Variants in ZCCHC7 observed in about 807,000 individuals in gnomAD.
ZCCHC7 encodes zinc finger CCHC domain-containing protein 7.
In ZCCHC7, 35 loss-of-function variants were observed where a neutral mutation model predicts 52.0. The observed-to-expected ratio is 0.67, with a 90% confidence interval of 0.51 to 0.89. The LOEUF (loss-of-function observed/expected upper bound fraction) is 0.89, where lower values mean the gene tolerates loss of function less well. Among genes scored for constraint, ZCCHC7 ranks in the 40% least tolerant of loss-of-function variants. The pLI is 0.00. For synonymous variants in ZCCHC7, 217 were observed against 221.5 expected (o/e 0.98, Z 0.18); for missense variants, 574 against 649.1 (o/e 0.88, Z 1.26).
chr9:37,171,108 A>G (rs1382050137), intron 2 of ZCCHC7, among the ~76,000 whole-genome samples: 1 of 152,244 alleles, frequency 6.6e-6, no homozygotes, highest in Non-Finnish European at 1.5e-5. Context: ...GTTTTGTATG[A>G]TTTTTAGATT....
At chr9:37,260,130 A>G (rs763347369) in intron 2 of ZCCHC7, among the ~76,000 whole-genome samples, 1 of 152,196 alleles carries the variant, frequency 6.6e-6, no homozygotes, top group Non-Finnish European at 1.5e-5. Flanking sequence ...CTGAGCACCA[A>G]CACTTCCTGT....
chr9:37,328,230 A>G (rs1412600550), intron 6 of ZCCHC7, among the ~76,000 whole-genome samples: 1 of 152,064 alleles, frequency 6.6e-6, no homozygotes, highest in African/African-American at 2.4e-5. Context: ...TTACTAAAAC[A>G]GTTACTGATA....
At chr9:37,207,942 T>G (rs1206906900) in intron 2 of ZCCHC7, among the ~76,000 whole-genome samples, 1 of 152,256 alleles carries the variant, frequency 6.6e-6, no homozygotes, top group African/African-American at 2.4e-5. Context: ...GACCGAGGTT[T>G]AGTGAATAGT....
At chr9:37,172,396 A>G (rs1325546875) in intron 2 of ZCCHC7, among the ~76,000 whole-genome samples, 2 of 152,200 alleles carry the variant, frequency 1.3e-5, no homozygotes, top group African/African-American at 4.8e-5. Context: ...CTGACTTTTA[A>G]ACATTCACTT....
In ZCCHC7 at chr9:37,302,250, T is replaced by C; in HGVS notation, c.654+19T>C. 6.3e-7 allele frequency: 1 copy of C among 1,582,510 alleles called. No homozygotes were observed. The highest frequency in any genetic ancestry group is 8.7e-7 in the Non-Finnish European group (1 of 1,154,082). On this transcript the variant is annotated intron_variant, in intron 3 of 8. Transcript: ENST00000336755. ...CATTGAGGTAAAATCAAATTGTTTTTAAAATTCAGAATAATAATTTCCTTT... is the reference window on the plus strand; with the variant it reads ...CATTGAGGTAAAATCAAATTGTTTTCAAAATTCAGAATAATAATTTCCTTT...
chr9:37,126,625 A>G lies in ZCCHC7; in HGVS notation c.293A>G (p.Asp98Gly). ...GAGGTCATCACTTTGTCTGATGAAG[A>G]CAGTATTTATAGATGTAAAGGAAAG... is the stretch of plus-strand genomic sequence containing the variant. The part of the protein sequence containing the change: ...GSEVITLSDE[D>G]SIYRCKGKNV... The change falls in exon 2 of 9, where the codon GAC becomes GGC. Residue 98 changes from aspartate (D) to glycine (G), a missense_variant. Asp to Gly is a moderately conservative substitution (Grantham distance 94). Coordinates refer to ENST00000336755, the MANE Select transcript of ZCCHC7 (RefSeq NM_032226.3). 1.2e-6 allele frequency: 2 copies of G among 1,614,198 alleles called. No homozygotes were observed. Among genetic ancestry groups the G allele is most frequent in the South Asian group, 1.1e-5 (1 of 91,090 alleles).
chr9:37,122,671 G>A (rs1303410476), intron 1 of ZCCHC7, among the ~76,000 whole-genome samples: 1 of 152,236 alleles, frequency 6.6e-6, no homozygotes, highest in Non-Finnish European at 1.5e-5. Context: ...CATGTGCGGT[G>A]GCTCACGCCT....
chr9:37,240,607 A>C (rs62535722), intron 2 of ZCCHC7, among the ~76,000 whole-genome samples: 7,243 of 152,002 alleles, frequency 0.048, 265 homozygotes, highest in Non-Finnish European at 0.071. Flanking sequence ...TTAAGATTAA[A>C]CCAAAAGATA....
chr9:37,295,109 A>G (rs1214887698), intron 2 of ZCCHC7, among the ~76,000 whole-genome samples: 2 of 152,368 alleles, frequency 1.3e-5, no homozygotes, highest in African/African-American at 4.8e-5. Flanking sequence ...AGTGATCATC[A>G]CTGCTTTTGA....
intron 5 of ZCCHC7, among the ~76,000 whole-genome samples, chr9:37,319,342 G>A (rs1156410456): frequency 6.6e-6 from 1 of 152,000 alleles, no homozygotes; most frequent in Non-Finnish European, 1.5e-5. Flanking sequence ...TTTTCTTGAC[G>A]GTTCTCAGGC....
At chr9:37,170,987 A>G (rs560311136) in intron 2 of ZCCHC7, among the ~76,000 whole-genome samples, 1 of 152,290 alleles carries the variant, frequency 6.6e-6, no homozygotes, top group East Asian at 1.9e-4. Flanking sequence ...TGTTCTAGAG[A>G]AAAAAGCTCA....
chr9:37,191,716 C>T (rs1379282803), intron 2 of ZCCHC7, among the ~76,000 whole-genome samples: 2 of 152,152 alleles, frequency 1.3e-5, no homozygotes, highest in Admixed American at 6.5e-5. Flanking sequence ...TGTTAATGAA[C>T]GCAAACATGA....
intron 2 of ZCCHC7, among the ~76,000 whole-genome samples, chr9:37,128,258 A>G (rs1025504455): frequency 1.3e-5 from 2 of 152,200 alleles, no homozygotes; most frequent in Non-Finnish European, 2.9e-5. Flanking sequence ...AAATCATCAA[A>G]TATTTGTAGA....
chr9:37,181,645 C>T (rs546588810), intron 2 of ZCCHC7, among the ~76,000 whole-genome samples: 6 of 152,110 alleles, frequency 3.9e-5, no homozygotes, highest in South Asian at 4.2e-4. Flanking sequence ...ATTCCATTTA[C>T]GTGAAATGTC....
intron 2 of ZCCHC7, among the ~76,000 whole-genome samples, chr9:37,212,780 T>C (rs1007180018): frequency 1.3e-5 from 2 of 152,242 alleles, no homozygotes; most frequent in African/African-American, 4.8e-5. Context: ...ACAGCTTCTC[T>C]ACCTGTACAT....
intron 2 of ZCCHC7, among the ~76,000 whole-genome samples, chr9:37,181,113 T>G (rs182782042): frequency 1.2e-3 from 183 of 151,648 alleles, no homozygotes; most frequent in African/African-American, 4.2e-3. Flanking sequence ...CTTTGTGTAG[T>G]TTTTTTTTAG....
rs115294684 is a variant in ZCCHC7 at position 37,346,863 on chromosome 9, G to A, written c.988-2494G>A. ...AAAATTAAAGTAGCCAGGCGTAGTG[G>A]TGCACTCCTGTGGTCTCAGCTACCT... On this transcript the variant is annotated intron_variant, in intron 6 of 8. Transcript: ENST00000336755. Among the ~76,000 whole-genome samples, 433 of 152,140 alleles carry A rather than the reference G, an allele frequency of 2.8e-3. 2 individuals are homozygous for A. Among genetic ancestry groups the A allele is most frequent in the African/African-American group, 9.7e-3 (403 of 41,494 alleles).
intron 6 of ZCCHC7, among the ~76,000 whole-genome samples, chr9:37,328,563 CAGACCATTATTCTT>C (rs1330447348): frequency 6.6e-6 from 1 of 151,872 alleles, no homozygotes; most frequent in African/African-American, 2.4e-5. Context: ...TGCTAAGCAA[CAGACCATTATTCTT>C]TTAATTATTA....
At chr9:37,158,891 T>C (rs934575203) in intron 2 of ZCCHC7, among the ~76,000 whole-genome samples, 1 of 152,228 alleles carries the variant, frequency 6.6e-6, no homozygotes, top group Non-Finnish European at 1.5e-5. Flanking sequence ...CTCTGTAGCA[T>C]ATTAATTGTA....
Sources: allele counts gnomAD v4.1 joint callset (sites outside exome capture counted in the v4.1 genomes callset), GRCh38; gene constraint gnomAD v4.1.1; transcripts MANE v1.5; gene names NCBI Gene and HGNC (gene_info 2026-07-23, HGNC 2026-07-21).